Variants in THSD7A observed in about 807,000 individuals in gnomAD.
THSD7A encodes the protein thrombospondin type-1 domain-containing protein 7A.
THSD7A carries 96 observed loss-of-function variants against 231.3 expected under a neutral mutation model. That is an observed-to-expected ratio of 0.41 (90% CI 0.35 to 0.49). THSD7A has a LOEUF of 0.49. Among genes scored for constraint, THSD7A ranks in the 20% least tolerant of loss-of-function variants. THSD7A has a pLI of 0.05. For synonymous variants in THSD7A, 940 were observed against 743.3 expected (o/e 1.26, Z -4.30); for missense variants, 2,290 against 2,070.2 (o/e 1.11, Z -2.06).
chr7:11,581,114 GT>G (rs1019466408), intron 4 of THSD7A, among the ~76,000 whole-genome samples: 1 of 151,992 alleles, frequency 6.6e-6, no homozygotes, highest in Admixed American at 6.6e-5. Flanking sequence ...GCAAGTGTGT[GT>G]TCCCAACATA....
intron 4 of THSD7A, among the ~76,000 whole-genome samples, chr7:11,561,659 C>T (rs563008527): frequency 2.0e-4 from 30 of 152,192 alleles, no homozygotes; most frequent in African/African-American, 6.5e-4. Context: ...TTACTTGAGG[C>T]TAGGAGTTCA....
intron 1 of THSD7A, among the ~76,000 whole-genome samples, chr7:11,736,896 A>G (rs947166058): frequency 2.0e-5 from 3 of 152,046 alleles, no homozygotes; most frequent in African/African-American, 7.2e-5. Flanking sequence ...TCATGGGGGC[A>G]GTTTCCCCCA....
chr7:11,820,516 G>C, intron 1 of THSD7A: 1 of 778,010 alleles, frequency 1.3e-6, no homozygotes, highest in Non-Finnish European at 2.1e-6. Flanking sequence ...GTGTAATCTA[G>C]GTCCCACTCC....
At chr7:11,379,831 G>T (rs1197917412) in intron 24 of THSD7A, 119 bp from the exon 25 acceptor site, 10 of 1,082,910 alleles carry the variant, frequency 9.2e-6, no homozygotes, top group South Asian at 1.4e-5. Flanking sequence ...GAATTTTTCT[G>T]TCAGTGGTTG....
At chr7:11,439,049 A>AATG (rs1294700971) in intron 13 of THSD7A, among the ~76,000 whole-genome samples, 14 of 152,020 alleles carry the variant, frequency 9.2e-5, no homozygotes, top group African/African-American at 3.4e-4. Flanking sequence ...TGAGCTGTAA[A>AATG]ATGTGGAATC....
chr7:11,391,194 A>G (rs1430446614), intron 23 of THSD7A, among the ~76,000 whole-genome samples: 1 of 152,196 alleles, frequency 6.6e-6, no homozygotes, highest in Non-Finnish European at 1.5e-5. Context: ...CTGCACTCAC[A>G]GTGCCCCTTG....
At chr7:11,664,320 C>A (rs967616574) in intron 1 of THSD7A, among the ~76,000 whole-genome samples, 2 of 151,862 alleles carry the variant, frequency 1.3e-5, no homozygotes, top group Admixed American at 1.3e-4. Context: ...TGGGAGTAGA[C>A]TTGGTACTAG....
intron 1 of THSD7A, among the ~76,000 whole-genome samples, chr7:11,798,613 T>C (rs192937712): frequency 5.8e-4 from 89 of 152,284 alleles, no homozygotes; most frequent in Middle Eastern, 6.8e-3. Context: ...TTGAACAATA[T>C]TGTCATTTTT....
At chr7:11,810,994 T>C (rs899978960) in intron 1 of THSD7A, among the ~76,000 whole-genome samples, 1 of 152,200 alleles carries the variant, frequency 6.6e-6, no homozygotes, top group Non-Finnish European at 1.5e-5. Context: ...GTTACAGCAA[T>C]ACATTTTTAT....
At chr7:11,401,575 G>A (rs1783403966) in intron 23 of THSD7A, among the ~76,000 whole-genome samples, 1 of 151,928 alleles carries the variant, frequency 6.6e-6, no homozygotes, top group South Asian at 2.1e-4. Flanking sequence ...CTGACACCAT[G>A]CATAATTTTT....
chr7:11,570,716 A>G (rs764007798), intron 4 of THSD7A, among the ~76,000 whole-genome samples: 5 of 152,194 alleles, frequency 3.3e-5, no homozygotes, highest in Non-Finnish European at 7.3e-5. Flanking sequence ...TTAATTGGAC[A>G]CAAAGAACCA....
intron 4 of THSD7A, among the ~76,000 whole-genome samples, chr7:11,544,103 G>A (rs570118172): frequency 1.3e-5 from 2 of 152,146 alleles, no homozygotes; most frequent in East Asian, 1.9e-4. Flanking sequence ...CAGCATTTTG[G>A]GAGGACGAGG....
At chr7:11,783,396 G>A (rs1562552954) in intron 1 of THSD7A, among the ~76,000 whole-genome samples, 1 of 151,346 alleles carries the variant, frequency 6.6e-6, no homozygotes, top group Non-Finnish European at 1.5e-5. Context: ...TCAAAGTATG[G>A]TGCCTGCTGA....
chr7:11,377,105 T>G lies in THSD7A; in HGVS notation c.4802-448A>C, dbSNP rs1356362152. The stretch of plus-strand genomic sequence containing the variant: ...AGGTATTTAAACAAAAACTTTGTCA[T>G]TTTTATTCCAGGTAAAATGAAAGTG... On this transcript the variant is annotated intron_variant, in intron 26 of 27. Coordinates refer to ENST00000423059, the MANE Select transcript of THSD7A (RefSeq NM_015204.3). The surrounding 1 kb of genome is among the most constrained non-coding windows in gnomAD (Gnocchi z 4.5). 6 of 152,344 alleles carry G rather than the reference T, an allele frequency of 3.9e-5. No homozygotes were observed. Among genetic ancestry groups the G allele is most frequent in the Non-Finnish European group, 8.8e-5 (6 of 68,156 alleles). The allele number at this position is 152,344 out of a possible 1,614,324, so 9.4% of individuals were successfully genotyped here.
chr7:11,384,063 C>T (rs1011436778), intron 23 of THSD7A: 7 of 151,952 alleles, frequency 4.6e-5, no homozygotes, highest in African/African-American at 1.7e-4. Context: ...AGTTATTTTC[C>T]ATTTGTTATG....
intron 1 of THSD7A, among the ~76,000 whole-genome samples, chr7:11,797,712 C>T (rs1046377803): frequency 2.6e-5 from 4 of 152,038 alleles, no homozygotes; most frequent in Non-Finnish European, 5.9e-5. Context: ...TGCCACTGTG[C>T]CCAGTCTTGA....
intron 1 of THSD7A, among the ~76,000 whole-genome samples, chr7:11,813,837 T>G (rs768615994): frequency 7.9e-5 from 12 of 151,956 alleles, no homozygotes; most frequent in Non-Finnish European, 1.5e-5. Context: ...AAGTATATAT[T>G]CAAGAAATGA....
intron 6 of THSD7A, among the ~76,000 whole-genome samples, chr7:11,518,440 G>A (rs17571245): frequency 0.045 from 6,908 of 152,236 alleles, 191 homozygotes; most frequent in South Asian, 0.07. Flanking sequence ...CAAAACTGGG[G>A]CATATATGAA....
intron 1 of THSD7A, among the ~76,000 whole-genome samples, chr7:11,803,967 A>C (rs975639971): frequency 1.3e-5 from 2 of 152,120 alleles, no homozygotes; most frequent in African/African-American, 4.8e-5. Flanking sequence ...GATGACAAAT[A>C]CAGTTTTGTA....
Sources: gnomAD v4.1 joint callset for allele counts (sites outside exome capture counted in the v4.1 genomes callset) on GRCh38, gnomAD v4.1.1 for gene constraint, Gnocchi (gnomAD v3.1) non-coding constraint, MANE v1.5 for transcripts, NCBI Gene and HGNC (gene_info 2026-07-23, HGNC 2026-07-21) for gene names.